Variants in ASCC3 observed in about 807,000 individuals in gnomAD.
ASCC3 encodes the protein ASC-1 complex subunit P200.
A neutral mutation model predicts 256.3 loss-of-function variants in ASCC3; 158 were observed. That is an observed-to-expected ratio of 0.62 (90% CI 0.54 to 0.70). ASCC3 has a LOEUF of 0.70. ASCC3 is among the 30% of genes least tolerant of loss of function. The pLI, the probability that ASCC3 is intolerant of heterozygous loss-of-function variation, is 0.00. For missense variants in ASCC3, 2,259 were observed against 2,626.0 expected (o/e 0.86, Z 3.05); for synonymous variants, 948 against 883.4 (o/e 1.07, Z -1.30).
At chr6:100,713,023 G>A (rs1187597091) in intron 13 of ASCC3, among the ~76,000 whole-genome samples, 4 of 151,992 alleles carry the variant, frequency 2.6e-5, no homozygotes, top group Non-Finnish European at 5.9e-5. Flanking sequence ...CTCCCAAAGT[G>A]CTGAGATTAC....
rs141706886 is a variant in ASCC3, at chr6:100,579,349, T to C, written c.5550+10285A>G. ...TATGCAGAAGTTCTTCAGTTTAATG[T>C]GGTCTCATTTGTCAACTTTTGTTTT... is the stretch of plus-strand genomic sequence containing the variant. On this transcript the variant is annotated intron_variant, in intron 36 of 41. Transcript: ENST00000369162. 9.9e-5 allele frequency among the ~76,000 whole-genome samples: 15 copies of C among 152,172 alleles called. 1 individual carries two copies. Among genetic ancestry groups the C allele is most frequent in the African/African-American group, 2.6e-4 (11 of 41,544 alleles).
intron 10 of ASCC3, among the ~76,000 whole-genome samples, chr6:100,735,408 C>A (rs1194620233): frequency 6.6e-6 from 1 of 151,732 alleles, no homozygotes. Context: ...AAAACAGCTT[C>A]GTACTTTAAT....
At chr6:100,748,471 T>A (rs1019619004) in intron 10 of ASCC3, among the ~76,000 whole-genome samples, 3 of 152,080 alleles carry the variant, frequency 2.0e-5, no homozygotes, top group Non-Finnish European at 4.4e-5. Flanking sequence ...TAGTCTTCTA[T>A]AACTTGATGA....
chr6:100,533,564 C>G (rs1775019215), intron 37 of ASCC3, among the ~76,000 whole-genome samples: 1 of 152,114 alleles, frequency 6.6e-6, no homozygotes, highest in South Asian at 2.1e-4. Context: ...AAAAACTTTC[C>G]CAAACTAACT....
At chr6:100,776,957 T>C (rs1782222032) in intron 8 of ASCC3, among the ~76,000 whole-genome samples, 1 of 152,096 alleles carries the variant, frequency 6.6e-6, no homozygotes, top group African/African-American at 2.4e-5. Context: ...CCCTATAAAA[T>C]GTGGCTTAGG....
intron 4 of ASCC3, among the ~76,000 whole-genome samples, chr6:100,831,658 G>C (rs1771625963): frequency 6.6e-6 from 1 of 152,110 alleles, no homozygotes; most frequent in African/African-American, 2.4e-5. Flanking sequence ...TTAGGGCATG[G>C]AGTAAGGAGG....
At chr6:100,751,549 T>C (rs186763362) in intron 10 of ASCC3, among the ~76,000 whole-genome samples, 2 of 152,110 alleles carry the variant, frequency 1.3e-5, no homozygotes, top group East Asian at 1.9e-4. Flanking sequence ...AGGTCCATAA[T>C]TGTACATCCA....
intron 16 of ASCC3, 22 bp downstream of exon 16, chr6:100,661,784 A>G (rs1267151765): frequency 2.5e-6 from 4 of 1,605,690 alleles, no homozygotes; most frequent in Non-Finnish European, 3.4e-6. Flanking sequence ...TCTATTCCAA[A>G]CTTTTACTCA....
chr6:100,841,922 T>C (rs771760034), intron 4 of ASCC3, among the ~76,000 whole-genome samples: 2 of 152,290 alleles, frequency 1.3e-5, no homozygotes, highest in Non-Finnish European at 2.9e-5. Flanking sequence ...CCTCATTACA[T>C]GAGGATCACC....
At chr6:100,627,182 G>T (rs1245386129) in intron 29 of ASCC3, among the ~76,000 whole-genome samples, 5 of 151,968 alleles carry the variant, frequency 3.3e-5, no homozygotes, top group Non-Finnish European at 4.4e-5. Flanking sequence ...TGTTAGAAGA[G>T]GAAAAACTAA....
At chr6:100,765,006 C>T (rs975388990) in intron 10 of ASCC3, among the ~76,000 whole-genome samples, 16 of 152,062 alleles carry the variant, frequency 1.1e-4, no homozygotes, top group African/African-American at 3.9e-4. Context: ...AAAAGATAAG[C>T]GGGCGAAAAG....
chr6:100,857,893 C>CAT (rs944279849), intron 3 of ASCC3: 4 of 151,500 alleles, frequency 2.6e-5, no homozygotes, highest in Non-Finnish European at 5.9e-5. Context: ...CACACACACA[C>CAT]ACACACACAC....
At chr6:100,626,944 T>C (rs1005635365) in intron 29 of ASCC3, among the ~76,000 whole-genome samples, 2 of 152,108 alleles carry the variant, frequency 1.3e-5, no homozygotes, top group Non-Finnish European at 2.9e-5. Flanking sequence ...ACTGCCAAGA[T>C]TGGTCTCTAG....
At chr6:100,692,905 CT>C (rs969547225) in intron 13 of ASCC3, among the ~76,000 whole-genome samples, 2 of 151,836 alleles carry the variant, frequency 1.3e-5, no homozygotes, top group Non-Finnish European at 1.5e-5. Context: ...CTTTGAAATA[CT>C]TTTTTTATAA....
At chr6:100,604,244 T>C (rs533786188) in intron 33 of ASCC3, among the ~76,000 whole-genome samples, 9 of 152,206 alleles carry the variant, frequency 5.9e-5, no homozygotes, top group Middle Eastern at 3.4e-3. Flanking sequence ...TTCCAGTCTG[T>C]GATATTTTTC....
chr6:100,866,763 C>T (rs1773501288), intron 2 of ASCC3, among the ~76,000 whole-genome samples: 1 of 152,168 alleles, frequency 6.6e-6, no homozygotes, highest in Non-Finnish European at 1.5e-5. Context: ...GAAACCAAGC[C>T]TGCCAACACC....
At position 100,876,308 on chromosome 6, in the gene ASCC3, A is replaced by AT. The variant is rs529450700; in HGVS notation, c.-42+4752dup. Reference sequence around the variant, plus strand: ...CTGTTCAAACAGGTGATGAGGTGGGATTTTTTCTAACACAGAGGCAAAAGT... The same window carrying AT: ...CTGTTCAAACAGGTGATGAGGTGGGATTTTTTTCTAACACAGAGGCAAAAGT... On this transcript the variant is annotated intron_variant, in intron 1 of 41. Coordinates refer to ENST00000369162, the MANE Select transcript of ASCC3 (RefSeq NM_006828.4). Among the ~76,000 whole-genome samples the AT allele has an allele frequency of 2.3e-3, 350 of 152,224 alleles. 3 individuals carry two copies. The highest frequency in any genetic ancestry group is 3.7e-3 in the Non-Finnish European group (249 of 67,994).
intron 33 of ASCC3, among the ~76,000 whole-genome samples, chr6:100,604,782 T>C (rs1425698719): frequency 6.6e-6 from 1 of 151,916 alleles, no homozygotes; most frequent in Non-Finnish European, 1.5e-5. Context: ...TTAGCACTTA[T>C]AAAAAATAAA....
At chr6:100,810,234 T>G (rs1770395808) in intron 4 of ASCC3, among the ~76,000 whole-genome samples, 1 of 152,136 alleles carries the variant, frequency 6.6e-6, no homozygotes, top group Non-Finnish European at 1.5e-5. Context: ...CATGCTGGTC[T>G]TACTAGGCAG....
Sources: allele counts gnomAD v4.1 joint callset (sites outside exome capture counted in the v4.1 genomes callset), GRCh38; gene constraint gnomAD v4.1.1; transcripts MANE v1.5; gene names NCBI Gene and HGNC (gene_info 2026-07-23, HGNC 2026-07-21).